Variants in DENND5B observed in about 807,000 individuals in gnomAD.
DENND5B encodes DENN domain containing 5B.
In DENND5B, 34 loss-of-function variants were observed where a neutral mutation model predicts 140.6. That is an observed-to-expected ratio of 0.24 (90% CI 0.18 to 0.32). The LOEUF is 0.32. Ranked by LOEUF, DENND5B falls within the 10% of genes least tolerant of loss-of-function variation. The probability of loss-of-function intolerance (pLI) is 1.00; values close to 1 mark genes in which losing one functional copy is unlikely to be tolerated. For synonymous variants in DENND5B, 551 were observed against 562.1 expected, an observed-to-expected ratio of 0.98 and a Z score of 0.28; for missense variants, 1,142 against 1,560.2, an observed-to-expected ratio of 0.73 and a Z score of 4.52.
chr12:31,562,274 C>T (rs1949502905), intron 1 of DENND5B, among the ~76,000 whole-genome samples: 1 of 152,134 alleles, frequency 6.6e-6, no homozygotes, highest in African/African-American at 2.4e-5. Context: ...AGAGTACACA[C>T]ATTTCATACT....
At chr12:31,588,771 G>A (rs1950493676) in intron 1 of DENND5B, among the ~76,000 whole-genome samples, 1 of 152,168 alleles carries the variant, frequency 6.6e-6, no homozygotes, top group Admixed American at 6.5e-5. Flanking sequence ...GCTCCATGAT[G>A]GCAGGGATTT....
chr12:31,387,081 A>C lies in DENND5B; in HGVS notation c.*522T>G, dbSNP rs1235976325. ...AACAGTTTGTAACTTAAAAGATAGA[A>C]GTGAAGACTACCAGTACAGTAGGTA... is the stretch of plus-strand genomic sequence containing the variant. On this transcript the variant is annotated 3_prime_UTR_variant, in exon 21 of 21. Coordinates refer to ENST00000389082, the MANE Select transcript of DENND5B (RefSeq NM_144973.4). 1 of 152,238 alleles carries C rather than the reference A, an allele frequency of 6.6e-6. No homozygotes were observed. The highest frequency in any genetic ancestry group is 1.5e-5 in the Non-Finnish European group (1 of 68,076). 9.4% of individuals were successfully genotyped at this position (152,238 alleles called of 1,614,324 possible).
At chr12:31,586,966 T>G (rs115564830) in intron 1 of DENND5B, among the ~76,000 whole-genome samples, 381 of 152,290 alleles carry the variant, frequency 2.5e-3, no homozygotes, top group African/African-American at 8.9e-3. Context: ...TCTACGGAAA[T>G]AGTCAAGAAA....
chr12:31,456,848 G>A (rs1278008102), intron 4 of DENND5B, among the ~76,000 whole-genome samples: 2 of 152,216 alleles, frequency 1.3e-5, no homozygotes, highest in Non-Finnish European at 2.9e-5. Flanking sequence ...GAAAGCCAAA[G>A]CCAGAGGATC....
chr12:31,541,039 T>C, intron 1 of DENND5B: 1 of 346,330 alleles, frequency 2.9e-6, no homozygotes, highest in South Asian at 1.7e-5. Context: ...TCTCTTACCA[T>C]ATAAAAAAAA....
intron 11 of DENND5B, among the ~76,000 whole-genome samples, chr12:31,421,406 T>G (rs148921180): frequency 2.0e-5 from 3 of 152,196 alleles, no homozygotes; most frequent in Admixed American, 2.0e-4. Flanking sequence ...TTGCCATTCA[T>G]TAGGAAGCTT....
intron 3 of DENND5B, among the ~76,000 whole-genome samples, chr12:31,466,522 G>A (rs545251100): frequency 3.6e-4 from 54 of 151,932 alleles, no homozygotes; most frequent in African/African-American, 1.1e-3. Context: ...GTGAAACCCC[G>A]TCTCTACTAA....
intron 2 of DENND5B, among the ~76,000 whole-genome samples, chr12:31,492,887 A>G (rs1946589069): frequency 6.6e-6 from 1 of 152,258 alleles, no homozygotes; most frequent in African/African-American, 2.4e-5. Context: ...ATTAACTTCC[A>G]GCAAAATGGC....
At chr12:31,450,156 G>GT (rs1322755244) in intron 5 of DENND5B, among the ~76,000 whole-genome samples, 3 of 152,168 alleles carry the variant, frequency 2.0e-5, no homozygotes, top group South Asian at 2.1e-4. Flanking sequence ...TTTCTCAAAC[G>GT]TAAGTGCATC....
chr12:31,516,537 A>AT (rs1336973947), intron 1 of DENND5B, among the ~76,000 whole-genome samples: 2 of 150,608 alleles, frequency 1.3e-5, no homozygotes, highest in African/African-American at 4.9e-5. Context: ...CCCATTATCT[A>AT]TTTTTTCCAT....
chr12:31,554,224 G>C (rs1001993062), intron 1 of DENND5B, among the ~76,000 whole-genome samples: 123 of 152,036 alleles, frequency 8.1e-4, no homozygotes, highest in Non-Finnish European at 1.5e-3. Context: ...TCCATGTTTA[G>C]TGCTTCCTTC....
At chr12:31,443,500 CG>C (rs1565583405) in intron 6 of DENND5B, among the ~76,000 whole-genome samples, 1 of 151,930 alleles carries the variant, frequency 6.6e-6, no homozygotes, top group African/African-American at 2.4e-5. Context: ...ATCAGGGCCG[CG>C]GGGATGAAAA....
At chr12:31,530,099 G>A (rs1351991188) in intron 1 of DENND5B, among the ~76,000 whole-genome samples, 5 of 152,202 alleles carry the variant, frequency 3.3e-5, no homozygotes, top group South Asian at 2.1e-4. Context: ...GCAGCCGGGC[G>A]CGGTGGCTCA....
At chr12:31,450,717 C>T (rs1944474118) in intron 5 of DENND5B, among the ~76,000 whole-genome samples, 1 of 152,080 alleles carries the variant, frequency 6.6e-6, no homozygotes. Context: ...GTAGATTAGC[C>T]TCTTGGAATG....
chr12:31,539,348 T>C (rs772506121), intron 1 of DENND5B, among the ~76,000 whole-genome samples: 20 of 152,130 alleles, frequency 1.3e-4, no homozygotes, highest in Admixed American at 9.2e-4. Flanking sequence ...TTCTGAAAAC[T>C]AGAGGAGGAG....
intron 2 of DENND5B, among the ~76,000 whole-genome samples, chr12:31,483,865 C>CTTTTTTTTTTT (rs200066618): frequency 1.5e-5 from 2 of 129,418 alleles, no homozygotes; most frequent in Admixed American, 7.8e-5. Context: ...CTTTTCTTTT[C>CTTTTTTTTTTT]TTTTTTTTTT....
At chr12:31,451,512 A>G (rs952103267) in intron 5 of DENND5B, among the ~76,000 whole-genome samples, 5 of 152,128 alleles carry the variant, frequency 3.3e-5, no homozygotes, top group Non-Finnish European at 7.4e-5. Context: ...TTTCGTAGAG[A>G]CGGGGTTTCA....
chr12:31,590,974 G>T lies in DENND5B; in HGVS notation c.-142C>A. On this transcript the variant is annotated 5_prime_UTR_variant, in exon 1 of 21. Transcript: ENST00000389082. ...GCCCATGGCCGCGCAGCCGCCTCTC[G>T]CCGCCGCAGCCTGCCTCCTCGCTCG... 1.1e-6 allele frequency: 1 copy of T among 931,274 alleles called. No homozygotes were observed. The highest frequency in any genetic ancestry group is 1.3e-6 in the Non-Finnish European group (1 of 761,664). 57.7% of individuals were successfully genotyped at this position (931,274 alleles called of 1,614,324 possible). A position where few individuals can be genotyped will look rare whatever the true frequency, so the allele number is the denominator to read the frequency against.
At position 31,413,292 on chromosome 12, in the gene DENND5B, A is replaced by T. The variant is rs1237412888; in HGVS notation, c.2681+144T>A. The T allele has an allele frequency of 2.2e-5, 23 of 1,029,370 alleles. No homozygotes were observed. The East Asian group carries it at 6.1e-4, about 27-fold the overall frequency. The allele number at this position is 1,029,370 out of a possible 1,614,324, so 63.8% of individuals were successfully genotyped here. A position where few individuals can be genotyped will look rare whatever the true frequency, so the allele number is the denominator to read the frequency against. On this transcript the variant is annotated intron_variant, in intron 13 of 20. Transcript: ENST00000389082. ...AGTATTACATCAAAACAGTTTTCAA[A>T]GCACACGCCTGTTAGATAAAGAAGA... is the stretch of plus-strand genomic sequence containing the variant.
Sources: gnomAD v4.1 joint callset for allele counts (sites outside exome capture counted in the v4.1 genomes callset) on GRCh38, gnomAD v4.1.1 for gene constraint, MANE v1.5 for transcripts, NCBI Gene and HGNC (gene_info 2026-07-23, HGNC 2026-07-21) for gene names.